CCDC171: variants seen among roughly 807,000 people sequenced by gnomAD.
CCDC171 encodes the protein coiled-coil domain-containing protein 171.
In CCDC171, 177 loss-of-function variants were observed where a neutral mutation model predicts 168.2. The ratio of observed to expected loss-of-function variants is 1.05; its 90% CI spans 0.93 to 1.19. The LOEUF is 1.19. Ranked by LOEUF, CCDC171 falls within the 50% of genes most tolerant of loss-of-function variation. The pLI, the probability that CCDC171 is intolerant of heterozygous loss-of-function variation, is 0.00. For synonymous variants in CCDC171, 687 were observed against 540.8 expected (o/e 1.27, Z -3.75); for missense variants, 1,991 against 1,539.0 (o/e 1.29, Z -4.91).
chr9:16,062,423 A>G (rs1586872632), downstream of CCDC171, among the ~76,000 whole-genome samples: 2 of 152,162 alleles, frequency 1.3e-5, no homozygotes, highest in East Asian at 3.9e-4. Context: ...GGGAGGAGGA[A>G]AGGATTGAAA....
chr9:16,007,589 C>G (rs6475000), intron 3 of CCDC171, among the ~76,000 whole-genome samples: 15,820 of 152,060 alleles, frequency 0.1, 993 homozygotes, highest in South Asian at 0.26. Flanking sequence ...GTCTTTAATC[C>G]ATCTTGAATT....
At chr9:15,918,333 A>T (rs1320882481) in intron 24 of CCDC171, among the ~76,000 whole-genome samples, 1 of 150,688 alleles carries the variant, frequency 6.6e-6, no homozygotes, top group East Asian at 1.9e-4. Flanking sequence ...CAAGAAAACG[A>T]CTCTTTTTCC....
downstream of CCDC171, among the ~76,000 whole-genome samples, chr9:16,064,376 G>A (rs80157894): frequency 0.098 from 14,865 of 152,152 alleles, 896 homozygotes; most frequent in Middle Eastern, 0.14. Flanking sequence ...CGAGAGAGAA[G>A]GTGAGGGGGT....
intron 4 of CCDC171, among the ~76,000 whole-genome samples, chr9:15,581,114 G>C (rs1220984466): frequency 6.6e-6 from 1 of 152,022 alleles, no homozygotes; most frequent in Non-Finnish European, 1.5e-5. Flanking sequence ...TGCAAAAATT[G>C]CAAGCATTCC....
intron 24 of CCDC171, among the ~76,000 whole-genome samples, chr9:15,918,693 G>C (rs1167745919): frequency 7.3e-5 from 11 of 151,358 alleles, no homozygotes; most frequent in African/African-American, 2.4e-4. Context: ...ATGTAGTGTT[G>C]GTTAATAAAT....
intron 21 of CCDC171, among the ~76,000 whole-genome samples, chr9:15,791,344 A>G (rs1329766162): frequency 6.6e-6 from 1 of 152,034 alleles, no homozygotes. Context: ...TAGGTATTTT[A>G]TTCTCTTTGA....
chr9:16,044,346 C>T (rs897437017), intron 1 of CCDC171, among the ~76,000 whole-genome samples: 4 of 152,204 alleles, frequency 2.6e-5, no homozygotes, highest in Middle Eastern at 6.8e-3. Context: ...GGAGAGGATC[C>T]GGTTACTTCT....
Position 15,623,430 on chromosome 9 carries a change from C to A in CCDC171, c.822+17C>A, listed in dbSNP as rs778657076. The A allele has an allele frequency of 2.0e-6, 3 of 1,515,452 alleles. No homozygotes were observed. The highest frequency in any genetic ancestry group is 2.3e-5 in the South Asian group (2 of 87,556). The allele number at this position is 1,515,452 out of a possible 1,614,324, so 93.9% of individuals were successfully genotyped here. A position where few individuals can be genotyped will look rare whatever the true frequency, so the allele number is the denominator to read the frequency against. On this transcript the variant is annotated intron_variant, in intron 7 of 25. Coordinates refer to ENST00000380701, the MANE Select transcript of CCDC171 (RefSeq NM_173550.4). Reference sequence around the variant, plus strand: ...GAATTTGAGGTACATTTTCTCATTCCTTTATAATATATATGCGTACAAACT... The same window carrying A: ...GAATTTGAGGTACATTTTCTCATTCATTTATAATATATATGCGTACAAACT...
At chr9:15,680,375 T>C (rs1412247343) in intron 10 of CCDC171, among the ~76,000 whole-genome samples, 2 of 152,218 alleles carry the variant, frequency 1.3e-5, no homozygotes, top group African/African-American at 4.8e-5. Flanking sequence ...CTTTCAGTTA[T>C]ATTCCAAAAG....
At chr9:16,033,986 G>A (rs150720156) in intron 6 of CCDC171, among the ~76,000 whole-genome samples, 25 of 152,306 alleles carry the variant, frequency 1.6e-4, no homozygotes, top group African/African-American at 5.5e-4. Context: ...AGAATTCTGC[G>A]TGCTTCACAT....
intron 4 of CCDC171, among the ~76,000 whole-genome samples, chr9:15,579,699 CT>C (rs2040962751): frequency 6.6e-6 from 1 of 152,098 alleles, no homozygotes; most frequent in Admixed American, 6.6e-5. Flanking sequence ...AATTTTGCCA[CT>C]TTTTTGTACT....
chr9:15,802,840 T>C (rs558669187), intron 21 of CCDC171, among the ~76,000 whole-genome samples: 1 of 152,246 alleles, frequency 6.6e-6, no homozygotes, highest in African/African-American at 2.4e-5. Context: ...CACACTGTCT[T>C]CCACATGGTC....
chr9:15,847,457 G>A (rs1199262765), intron 22 of CCDC171, among the ~76,000 whole-genome samples: 1 of 151,834 alleles, frequency 6.6e-6, no homozygotes, highest in Non-Finnish European at 1.5e-5. Context: ...TTTTAAACCA[G>A]GTAATCAAGT....
At chr9:15,841,077 AC>A (rs2060660099) in intron 21 of CCDC171, among the ~76,000 whole-genome samples, 1 of 152,054 alleles carries the variant, frequency 6.6e-6, no homozygotes, top group Non-Finnish European at 1.5e-5. Context: ...GCATTATACA[AC>A]AAAATCTTAC....
At chr9:15,987,513 A>C (rs560948204) in intron 3 of CCDC171, among the ~76,000 whole-genome samples, 168 of 152,340 alleles carry the variant, frequency 1.1e-3, no homozygotes, top group Non-Finnish European at 1.7e-3. Flanking sequence ...ATGGACAGAG[A>C]TTTGAAACAT....
At chr9:15,899,775 G>A (rs12551887) in intron 24 of CCDC171, among the ~76,000 whole-genome samples, 2,758 of 152,030 alleles carry the variant, frequency 0.018, 146 homozygotes, top group Admixed American at 0.11. Flanking sequence ...CAGATGTGTG[G>A]TTTGCAAATA....
intron 11 of CCDC171, among the ~76,000 whole-genome samples, chr9:15,698,925 T>C (rs796457660): frequency 4.9e-4 from 75 of 152,328 alleles, no homozygotes; most frequent in African/African-American, 1.6e-3. Context: ...TTGTGAATAA[T>C]ACTCTAGTTT....
At chr9:15,861,971 T>G (rs1200873810) in intron 23 of CCDC171, among the ~76,000 whole-genome samples, 1 of 151,962 alleles carries the variant, frequency 6.6e-6, no homozygotes, top group African/African-American at 2.4e-5. Flanking sequence ...ATTTTTATGT[T>G]TCCTTCATTT....
At chr9:15,791,546 G>A (rs963740768) in intron 21 of CCDC171, among the ~76,000 whole-genome samples, 3 of 152,154 alleles carry the variant, frequency 2.0e-5, no homozygotes, top group Admixed American at 6.5e-5. Context: ...TGCAAACAGG[G>A]ACAATTTGAC....
Sources: gnomAD v4.1 joint callset for allele counts (sites outside exome capture counted in the v4.1 genomes callset) on GRCh38, gnomAD v4.1.1 for gene constraint, MANE v1.5 for transcripts, NCBI Gene and HGNC (gene_info 2026-07-23, HGNC 2026-07-21) for gene names.